The following MEIKIN variants were observed in gnomAD, a reference collection of about 807,000 sequenced individuals.
MEIKIN encodes meiosis-specific kinetochore protein.
At chr5:131,924,973 A>T (rs1387508931) in intron 5 of MEIKIN, among the ~76,000 whole-genome samples, 8 of 152,222 alleles carry the variant, frequency 5.3e-5, no homozygotes, top group African/African-American at 1.9e-4. Context: ...TTAAGTATTT[A>T]ATCCAATTTG....
intron 9 of MEIKIN, among the ~76,000 whole-genome samples, chr5:131,877,751 A>C (rs1168470187): frequency 6.6e-6 from 1 of 152,208 alleles, no homozygotes; most frequent in African/African-American, 2.4e-5. Context: ...AATGTAAAGC[A>C]CACTGGTCCC....
chr5:131,845,279 A>T, intron 11 of MEIKIN, among the ~76,000 whole-genome samples: 1 of 147,306 alleles, frequency 6.8e-6, no homozygotes, highest in South Asian at 2.1e-4. Context: ...TCTTAAAAAA[A>T]AAAAAAAAAA....
chr5:131,925,815 C>T (rs937749424), intron 5 of MEIKIN, among the ~76,000 whole-genome samples: 3 of 151,980 alleles, frequency 2.0e-5, no homozygotes, highest in Non-Finnish European at 2.9e-5. Context: ...ACTACAGGCA[C>T]CTGCCACCAT....
rs574653808 is a variant in MEIKIN, at chr5:131,890,908, T to C, written c.704-11860A>G. On this transcript the variant is annotated intron_variant, in intron 8 of 12. Transcript: ENST00000442687. ...TTTGTATGTGTCCCAGAGAGTCTGGTATTTTGTGTCTTTGTTCTCATTGGT... is the reference window on the plus strand; with the variant it reads ...TTTGTATGTGTCCCAGAGAGTCTGGCATTTTGTGTCTTTGTTCTCATTGGT... Among the ~76,000 whole-genome samples, 8 of 152,308 alleles carry C rather than the reference T, an allele frequency of 5.3e-5. No individual in the cohort carries two copies. In the South Asian group the frequency reaches 1.0e-3, roughly 20 times the overall value.
intron 6 of MEIKIN, among the ~76,000 whole-genome samples, chr5:131,919,017 T>C (rs565814823): frequency 6.6e-6 from 1 of 151,942 alleles, no homozygotes; most frequent in Admixed American, 6.6e-5. Context: ...AAACATACCA[T>C]GAACAAAAAG....
intron 8 of MEIKIN, among the ~76,000 whole-genome samples, chr5:131,890,918 C>CT (rs1387321119): frequency 6.6e-6 from 1 of 152,166 alleles, no homozygotes. Flanking sequence ...TATTTTGTGT[C>CT]TTTGTTCTCA....
chr5:131,852,364 C>T (rs1267152231), intron 10 of MEIKIN, among the ~76,000 whole-genome samples: 1 of 152,180 alleles, frequency 6.6e-6, no homozygotes, highest in African/African-American at 2.4e-5. Flanking sequence ...TTGTAAGTTT[C>T]CTGAGGCCTC....
At chr5:131,819,452 C>CGGGGG (rs1410990727) in intron 11 of MEIKIN, among the ~76,000 whole-genome samples, 1 of 87,622 alleles carries the variant, frequency 1.1e-5, no homozygotes. Flanking sequence ...GGAGGAGGGA[C>CGGGGG]AGGGGGAGGG....
intron 5 of MEIKIN, among the ~76,000 whole-genome samples, chr5:131,927,646 G>A (rs1386379138): frequency 2.6e-5 from 4 of 152,062 alleles, no homozygotes; most frequent in African/African-American, 9.7e-5. Flanking sequence ...TGCTGATGTT[G>A]GGTGCATACA....
At chr5:131,853,494 A>C (rs1750148078) in intron 10 of MEIKIN, among the ~76,000 whole-genome samples, 1 of 152,182 alleles carries the variant, frequency 6.6e-6, no homozygotes, top group Non-Finnish European at 1.5e-5. Context: ...AGGTGAGAAA[A>C]GAAAAAGACA....
intron 5 of MEIKIN, among the ~76,000 whole-genome samples, chr5:131,925,342 G>A (rs1429142184): frequency 6.6e-6 from 1 of 152,138 alleles, no homozygotes; most frequent in African/African-American, 2.4e-5. Context: ...GATAGAGATT[G>A]CATCAAATTT....
chr5:131,826,401 T>C (rs960972629), intron 11 of MEIKIN, among the ~76,000 whole-genome samples: 5 of 152,174 alleles, frequency 3.3e-5, no homozygotes, highest in African/African-American at 1.2e-4. Context: ...CAAAATACTG[T>C]AAAACAAAAA....
chr5:131,855,607 G>A (rs1375645520), intron 9 of MEIKIN, among the ~76,000 whole-genome samples: 7 of 151,252 alleles, frequency 4.6e-5, no homozygotes, highest in African/African-American at 1.7e-4. Flanking sequence ...AGGTAGGAGA[G>A]GAAGAATGAA....
At chr5:131,854,233 G>C (rs552295311) in intron 10 of MEIKIN, among the ~76,000 whole-genome samples, 1 of 152,244 alleles carries the variant, frequency 6.6e-6, no homozygotes, top group South Asian at 2.1e-4. Flanking sequence ...ACATAAACTA[G>C]TCACAAAGGA....
At chr5:131,821,462 G>A (rs1048605673) in intron 11 of MEIKIN, among the ~76,000 whole-genome samples, 1 of 152,080 alleles carries the variant, frequency 6.6e-6, no homozygotes, top group African/African-American at 2.4e-5. Flanking sequence ...AGAAAAATGT[G>A]TATTCTGAAG....
intron 8 of MEIKIN, among the ~76,000 whole-genome samples, chr5:131,905,128 AT>A (rs1361523961): frequency 2.0e-5 from 3 of 152,126 alleles, no homozygotes; most frequent in Non-Finnish European, 2.9e-5. Context: ...TTAAAGTATA[AT>A]TTTTAAAGAA....
intron 11 of MEIKIN, among the ~76,000 whole-genome samples, chr5:131,833,584 G>A (rs1045188279): frequency 1.3e-4 from 20 of 152,232 alleles, no homozygotes; most frequent in East Asian, 1.2e-3. Context: ...AACAGGAGGC[G>A]AAAAGCACTT....
intron 9 of MEIKIN, among the ~76,000 whole-genome samples, chr5:131,868,335 C>T (rs1466715330): frequency 6.6e-6 from 1 of 152,190 alleles, no homozygotes; most frequent in Non-Finnish European, 1.5e-5. Flanking sequence ...CCACTTGCCT[C>T]AGTCCCCCAA....
At chr5:131,844,266 T>C (rs1356310618) in intron 11 of MEIKIN, among the ~76,000 whole-genome samples, 1 of 152,110 alleles carries the variant, frequency 6.6e-6, no homozygotes, top group Non-Finnish European at 1.5e-5. Context: ...ATCTATATCA[T>C]TCCAGACTTA....
Sources: allele counts gnomAD v4.1 joint callset (sites outside exome capture counted in the v4.1 genomes callset), GRCh38; gene constraint gnomAD v4.1.1; transcripts MANE v1.5; gene names NCBI Gene and HGNC (gene_info 2026-07-23, HGNC 2026-07-21).